ZNF407: variants seen among roughly 807,000 people sequenced by gnomAD.
ZNF407 encodes the protein zinc finger protein 407.
In ZNF407, 17 loss-of-function variants were observed where a neutral mutation model predicts 131.2. The observed-to-expected ratio is 0.13, with a 90% confidence interval of 0.09 to 0.19. The LOEUF is 0.19. Among genes scored for constraint, ZNF407 ranks in the 10% least tolerant of loss-of-function variants. The pLI, the probability that ZNF407 is intolerant of heterozygous loss-of-function variation, is 1.00. For synonymous variants in ZNF407, 1,156 were observed against 1,062.0 expected (o/e 1.09, Z -1.72); for missense variants, 2,681 against 2,830.6 (o/e 0.95, Z 1.20).
chr18:74,837,457 A>G (rs1970574026), intron 4 of ZNF407, among the ~76,000 whole-genome samples: 1 of 152,036 alleles, frequency 6.6e-6, no homozygotes, highest in Non-Finnish European at 1.5e-5. Context: ...TAGTACTGGT[A>G]ATATACTGAT....
chr18:74,733,635 GT>G (rs1968344466), intron 3 of ZNF407, among the ~76,000 whole-genome samples: 1 of 152,168 alleles, frequency 6.6e-6, no homozygotes, highest in Non-Finnish European at 1.5e-5. Flanking sequence ...GCACTAAGCA[GT>G]GATCCTTAGC....
chr18:74,861,490 G>T lies in ZNF407; in HGVS notation c.4878-15707G>T, dbSNP rs543411502. 7.9e-4 allele frequency among the ~76,000 whole-genome samples: 120 copies of T among 152,206 alleles called. 1 individual carries two copies. Among genetic ancestry groups the T allele is most frequent in the Non-Finnish European group, 4.6e-4 (31 of 68,042 alleles). On this transcript the variant is annotated intron_variant, in intron 4 of 8. Transcript: ENST00000299687. ...AGTCACTCATTCCTTGATTGGCAAG[G>T]AGATAAATAGGAATTTACTCGACGT...
chr18:74,918,190 C>T lies in ZNF407; in HGVS notation c.5250-2324C>T, dbSNP rs1971798330. ...TACACATTTAAGAGACTCTACAGTCCTATCCTTTGCTTAGAATGTGCTAGT... is the reference window on the plus strand; with the variant it reads ...TACACATTTAAGAGACTCTACAGTCTTATCCTTTGCTTAGAATGTGCTAGT... On this transcript the variant is annotated intron_variant, in intron 7 of 8. Transcript: ENST00000299687. 1.3e-5 allele frequency among the ~76,000 whole-genome samples: 2 copies of T among 152,164 alleles called. 1 individual carries two copies. The highest frequency in any genetic ancestry group is 2.9e-5 in the Non-Finnish European group (2 of 68,032).
chr18:75,002,130 T>G (rs1972852076), intron 8 of ZNF407, among the ~76,000 whole-genome samples: 1 of 152,230 alleles, frequency 6.6e-6, no homozygotes, highest in African/African-American at 2.4e-5. Flanking sequence ...TTCAGCCTTC[T>G]TCCCATTTTT....
chr18:74,793,946 A>T (rs1298294230), intron 4 of ZNF407, among the ~76,000 whole-genome samples: 1 of 152,178 alleles, frequency 6.6e-6, no homozygotes, highest in Non-Finnish European at 1.5e-5. Flanking sequence ...CTTGCCCCTC[A>T]CCTGTTAACC....
Position 75,014,093 on chromosome 18 carries a change from A to G in ZNF407, c.5429-49057A>G, listed in dbSNP as rs908405035. 3.3e-5 allele frequency among the ~76,000 whole-genome samples: 5 copies of G among 152,144 alleles called. No individual in the cohort carries two copies. In the South Asian group the frequency reaches 1.0e-3, roughly 31 times the overall value. Reference sequence around the variant, plus strand: ...GTTTGGGGTAGCTTGGTCCCAGCTTATTGAGGATGTACTAGGGGTTAAAAA... The same window carrying G: ...GTTTGGGGTAGCTTGGTCCCAGCTTGTTGAGGATGTACTAGGGGTTAAAAA... On this transcript the variant is annotated intron_variant, in intron 8 of 8. Coordinates refer to ENST00000299687, the MANE Select transcript of ZNF407 (RefSeq NM_017757.3).
chr18:74,819,513 T>A (rs1380070041), intron 4 of ZNF407, among the ~76,000 whole-genome samples: 2 of 152,176 alleles, frequency 1.3e-5, no homozygotes, highest in Non-Finnish European at 2.9e-5. Context: ...GAATTTCTAA[T>A]GGGCTTTCCT....
chr18:74,883,071 C>A (rs976586212), intron 6 of ZNF407, among the ~76,000 whole-genome samples: 1 of 152,184 alleles, frequency 6.6e-6, no homozygotes, highest in African/African-American at 2.4e-5. Context: ...GAAGCCTGCA[C>A]TGAGCTGGCA....
intron 3 of ZNF407, among the ~76,000 whole-genome samples, chr18:74,663,080 C>T (rs1985782127): frequency 6.6e-6 from 1 of 152,166 alleles, no homozygotes; most frequent in African/African-American, 2.4e-5. Context: ...TTTGTATCAC[C>T]TGTGCCCAGG....
intron 8 of ZNF407, among the ~76,000 whole-genome samples, chr18:75,038,621 C>CA (rs1355282460): frequency 2.0e-5 from 3 of 152,074 alleles, no homozygotes; most frequent in Non-Finnish European, 4.4e-5. Context: ...CATGCAAGAA[C>CA]AAAAAATTAA....
chr18:74,832,463 T>C (rs1970498981), intron 4 of ZNF407, among the ~76,000 whole-genome samples: 1 of 152,082 alleles, frequency 6.6e-6, no homozygotes, highest in Non-Finnish European at 1.5e-5. Context: ...TTTTTCTTTT[T>C]GTTTTTTTTG....
intron 3 of ZNF407, among the ~76,000 whole-genome samples, chr18:74,748,369 G>A (rs1388415195): frequency 1.3e-5 from 2 of 150,930 alleles, no homozygotes; most frequent in Admixed American, 6.6e-5. Context: ...ATCAGAAAAA[G>A]CTTGGGTTTT....
intron 4 of ZNF407, among the ~76,000 whole-genome samples, chr18:74,865,229 T>A (rs938027114): frequency 1.3e-5 from 2 of 152,248 alleles, no homozygotes; most frequent in African/African-American, 4.8e-5. Context: ...TGTGTGTGTG[T>A]AATTTCTTGG....
At chr18:75,058,985 A>T (rs1444619195) in intron 8 of ZNF407, among the ~76,000 whole-genome samples, 2 of 152,238 alleles carry the variant, frequency 1.3e-5, no homozygotes, top group Non-Finnish European at 2.9e-5. Context: ...ACTCGAAGTT[A>T]TTAAATTGCT....
chr18:74,778,389 C>A (rs1420214442), intron 3 of ZNF407, among the ~76,000 whole-genome samples: 2 of 152,192 alleles, frequency 1.3e-5, no homozygotes, highest in African/African-American at 2.4e-5. Context: ...CTGAGCCACC[C>A]AAATGTGGAA....
At chr18:74,952,424 T>C (rs1168187660) in intron 8 of ZNF407, among the ~76,000 whole-genome samples, 1 of 152,194 alleles carries the variant, frequency 6.6e-6, no homozygotes, top group Non-Finnish European at 1.5e-5. Flanking sequence ...CCCACCTGTT[T>C]ACTGCCAAAT....
At chr18:74,813,324 G>A (rs12956238) in intron 4 of ZNF407, among the ~76,000 whole-genome samples, 118,495 of 152,060 alleles carry the variant, frequency 0.78, 47,710 homozygotes, top group Non-Finnish European at 0.89. Context: ...TTCTGGGGAG[G>A]TCTTGGGCTG....
chr18:74,787,488 A>G (rs1969741518), intron 4 of ZNF407, among the ~76,000 whole-genome samples: 1 of 152,194 alleles, frequency 6.6e-6, no homozygotes, highest in Non-Finnish European at 1.5e-5. Context: ...GCAGAATCTC[A>G]GGATTGCAGG....
intron 8 of ZNF407, among the ~76,000 whole-genome samples, chr18:75,054,901 A>C (rs893449260): frequency 2.0e-5 from 3 of 152,232 alleles, no homozygotes; most frequent in African/African-American, 7.2e-5. Context: ...CCCCCCATAC[A>C]AAGCCTGAAG....
Sources: allele counts gnomAD v4.1 joint callset (sites outside exome capture counted in the v4.1 genomes callset), GRCh38; gene constraint gnomAD v4.1.1; transcripts MANE v1.5; gene names NCBI Gene and HGNC (gene_info 2026-07-23, HGNC 2026-07-21).